The following PTPRM variants were observed in gnomAD, a reference collection of about 807,000 sequenced individuals.
PTPRM encodes the protein protein tyrosine phosphatase receptor type M.
A neutral mutation model predicts 186.7 loss-of-function variants in PTPRM; 47 were observed. The observed-to-expected ratio is 0.25, with a 90% CI of 0.20 to 0.32. The LOEUF is 0.32. Ranked by LOEUF, PTPRM falls within the 10% of genes least tolerant of loss-of-function variation. The pLI, the probability that PTPRM is intolerant of heterozygous loss-of-function variation, is 1.00. For synonymous variants in PTPRM, 668 were observed against 674.9 expected (o/e 0.99, Z 0.16); for missense variants, 1,494 against 1,865.0 (o/e 0.80, Z 3.66).
At chr18:7,845,510 A>G (rs2145881738) in intron 2 of PTPRM, among the ~76,000 whole-genome samples, 1 of 152,322 alleles carries the variant, frequency 6.6e-6, no homozygotes, top group South Asian at 2.1e-4. Context: ...GGATTTTCTT[A>G]TGATCAAATA....
intron 1 of PTPRM, among the ~76,000 whole-genome samples, chr18:7,666,568 G>C (rs1338953530): frequency 6.6e-6 from 1 of 152,156 alleles, no homozygotes; most frequent in Non-Finnish European, 1.5e-5. Context: ...CAATTATATA[G>C]ATTTAATTCC....
intron 14 of PTPRM, among the ~76,000 whole-genome samples, chr18:8,194,691 T>C (rs2093752598): frequency 6.6e-6 from 1 of 152,256 alleles, no homozygotes; most frequent in Non-Finnish European, 1.5e-5. Flanking sequence ...GTGGCTGTAT[T>C]CATCCAACAT....
At chr18:8,116,083 G>A (rs566869559) in intron 13 of PTPRM, among the ~76,000 whole-genome samples, 32 of 152,174 alleles carry the variant, frequency 2.1e-4, no homozygotes, top group Admixed American at 1.7e-3. Flanking sequence ...AGCTGCTTAT[G>A]TGTTTCATAA....
chr18:7,994,836 A>G (rs1290155784), intron 7 of PTPRM, among the ~76,000 whole-genome samples: 1 of 152,162 alleles, frequency 6.6e-6, no homozygotes, highest in African/African-American at 2.4e-5. Flanking sequence ...TCTAAGAGGG[A>G]AGTTTATAGT....
chr18:7,745,095 A>G (rs2040957775), intron 1 of PTPRM, among the ~76,000 whole-genome samples: 1 of 151,956 alleles, frequency 6.6e-6, no homozygotes, highest in Non-Finnish European at 1.5e-5. Context: ...CAAATTCTCT[A>G]AACATTCCAT....
intron 7 of PTPRM, among the ~76,000 whole-genome samples, chr18:8,030,512 C>A (rs563668745): frequency 2.0e-5 from 3 of 152,264 alleles, no homozygotes; most frequent in African/African-American, 7.2e-5. Context: ...TTTCTTAGTG[C>A]GTGTTCCGAT....
chr18:8,240,777 G>GGAGC (rs2094420075), intron 14 of PTPRM, among the ~76,000 whole-genome samples: 20 of 57,354 alleles, frequency 3.5e-4, no homozygotes, highest in Non-Finnish European at 6.0e-4. Context: ...AGAGAGAGAG[G>GGAGC]GAGAGAGAGA....
intron 2 of PTPRM, among the ~76,000 whole-genome samples, chr18:7,861,344 C>T (rs1285891279): frequency 6.7e-6 from 1 of 149,742 alleles, no homozygotes; most frequent in Non-Finnish European, 1.5e-5. Context: ...AAAATAAACA[C>T]ACTCAGTATT....
intron 2 of PTPRM, chr18:7,815,436 G>A (rs1357098827): frequency 1.3e-5 from 2 of 152,168 alleles, no homozygotes; most frequent in African/African-American, 4.8e-5. Flanking sequence ...ATTGATTGTG[G>A]AATAAAGTGA....
intron 20 of PTPRM, among the ~76,000 whole-genome samples, chr18:8,301,492 C>A (rs916837041): frequency 3.9e-5 from 6 of 152,192 alleles, no homozygotes; most frequent in Non-Finnish European, 8.8e-5. Context: ...TAGGGACTGG[C>A]AATTGGAGAT....
intron 23 of PTPRM, among the ~76,000 whole-genome samples, chr18:8,345,528 T>C (rs1380929435): frequency 6.6e-6 from 1 of 152,050 alleles, no homozygotes; most frequent in Non-Finnish European, 1.5e-5. Flanking sequence ...TCTGAGTAGA[T>C]AATAATTATC....
intron 13 of PTPRM, among the ~76,000 whole-genome samples, chr18:8,118,853 T>C (rs1478962896): frequency 6.7e-6 from 1 of 149,130 alleles, no homozygotes; most frequent in Non-Finnish European, 1.5e-5. Flanking sequence ...ACATGGGCTT[T>C]TTTTTTTAAG....
intron 14 of PTPRM, among the ~76,000 whole-genome samples, chr18:8,181,277 G>C (rs186062914): frequency 2.0e-5 from 3 of 152,148 alleles, no homozygotes; most frequent in Non-Finnish European, 2.9e-5. Flanking sequence ...AGTGTACCCC[G>C]TCTTTTTTAT....
chr18:7,859,471 C>T (rs1338963697), intron 2 of PTPRM, among the ~76,000 whole-genome samples: 1 of 152,228 alleles, frequency 6.6e-6, no homozygotes, highest in Non-Finnish European at 1.5e-5. Flanking sequence ...TCTGATGTCA[C>T]TTGTGATCAA....
intron 2 of PTPRM, among the ~76,000 whole-genome samples, chr18:7,840,069 TGGGGGGTGGGGTGGAGGTGGGGG>T (rs938643863): frequency 6.3e-4 from 5 of 7,926 alleles, no homozygotes; most frequent in Non-Finnish European, 1.2e-3. Flanking sequence ...TGGGGTGGGG[TGGGGGGTGGGGTGGAGGTGGGGG>T]GGGAGGGCAG....
At chr18:7,912,682 T>C (rs1232204000) in intron 4 of PTPRM, among the ~76,000 whole-genome samples, 1 of 151,500 alleles carries the variant, frequency 6.6e-6, no homozygotes, top group Non-Finnish European at 1.5e-5. Context: ...CGGCTAATTT[T>C]TTTTTTTTTT....
intron 1 of PTPRM, among the ~76,000 whole-genome samples, chr18:7,732,541 T>G (rs2040682607): frequency 6.6e-6 from 1 of 152,136 alleles, no homozygotes; most frequent in Non-Finnish European, 1.5e-5. Flanking sequence ...TCTTGCTCTG[T>G]TGTTGCTCAG....
chr18:8,034,647 C>T (rs572302233), intron 7 of PTPRM, among the ~76,000 whole-genome samples: 1 of 152,306 alleles, frequency 6.6e-6, no homozygotes, highest in East Asian at 1.9e-4. Context: ...TGGCCCAGTG[C>T]TCCACTCTGG....
chr18:7,598,146 C>T (rs2037312661), intron 1 of PTPRM, among the ~76,000 whole-genome samples: 1 of 152,092 alleles, frequency 6.6e-6, no homozygotes, highest in Admixed American at 6.5e-5. Context: ...AAGTAAAATT[C>T]TTTTTATCTT....
Sources: gnomAD v4.1 joint callset for allele counts (sites outside exome capture counted in the v4.1 genomes callset) on GRCh38, gnomAD v4.1.1 for gene constraint, MANE v1.5 for transcripts, NCBI Gene and HGNC (gene_info 2026-07-23, HGNC 2026-07-21) for gene names.